The following OR51G2 variants were observed in gnomAD, a reference collection of about 807,000 sequenced individuals.
OR51G2 encodes olfactory receptor 51G2.
A neutral mutation model predicts 11.8 loss-of-function variants in OR51G2; 13 were observed. The observed-to-expected ratio is 1.10, with a 90% CI of 0.72 to 1.76. The LOEUF (loss-of-function observed/expected upper bound fraction) is 1.76, where lower values mean the gene tolerates loss of function less well. OR51G2 is among the 40% of genes most tolerant of loss of function. OR51G2 has a pLI of 0.00. For missense variants in OR51G2, 474 were observed against 394.4 expected, an observed-to-expected ratio of 1.20 and a Z score of -1.71; for synonymous variants, 178 against 151.9, an observed-to-expected ratio of 1.17 and a Z score of -1.26.
chr11:4,915,777 A>C, intron 1 of OR51G2, 38 bp from the exon 2 acceptor site: 1 of 644,508 alleles, frequency 1.6e-6, no homozygotes, highest in Non-Finnish European at 2.7e-6. Context: ...AATCAAATAT[A>C]CCTAGAACTG....
At position 4,914,893 on chromosome 11, in the gene OR51G2, G is replaced by A. The variant is rs752690391; in HGVS notation, c.771C>T (p.Tyr257=). The change falls in exon 2 of 2, where the codon TAC becomes TAT. Residue 257 remains tyrosine (Y), a synonymous_variant. Transcript: ENST00000641926. ...TGACAGAGAGGCCAATCATGGGAGTGTAGAAGAGCAGCACAGCACAGATGT... is the reference window on the plus strand; with the variant it reads ...TGACAGAGAGGCCAATCATGGGAGTATAGAAGAGCAGCACAGCACAGATGT... The part of the protein sequence containing the change: ...VSHICAVLLF[Y]TPMIGLSVIH... 1.1e-5 allele frequency: 17 copies of A among 1,614,044 alleles called. No homozygotes were observed. The East Asian group carries it at 3.1e-4, about 30-fold the overall frequency.
chr11:4,916,519 G>T (rs548679947), intron 1 of OR51G2, among the ~76,000 whole-genome samples: 8 of 151,400 alleles, frequency 5.3e-5, no homozygotes, highest in Non-Finnish European at 7.4e-5. Flanking sequence ...TATAGTTTTA[G>T]TTTTTTTCTT....
intron 1 of OR51G2, among the ~76,000 whole-genome samples, chr11:4,916,911 G>A (rs1196188750): frequency 6.6e-6 from 1 of 152,190 alleles, no homozygotes; most frequent in Non-Finnish European, 1.5e-5. Flanking sequence ...ACTGAACACA[G>A]GGCAGTGATG....
At chr11:4,917,184 G>A (rs1199657590) in intron 1 of OR51G2, among the ~76,000 whole-genome samples, 1 of 152,014 alleles carries the variant, frequency 6.6e-6, no homozygotes, top group Non-Finnish European at 1.5e-5. Flanking sequence ...TTTTTATTTC[G>A]CTAACTAATA....
At chr11:4,915,960 T>C (rs1331297111) in intron 1 of OR51G2, among the ~76,000 whole-genome samples, 1 of 152,114 alleles carries the variant, frequency 6.6e-6, no homozygotes, top group Admixed American at 6.5e-5. Flanking sequence ...TTTTTGCTCT[T>C]TTCTGACTTC....
Position 4,914,587 on chromosome 11 carries a change from G to GACTGTA in OR51G2, c.*126_*131dup. On this transcript the variant is annotated 3_prime_UTR_variant, in exon 2 of 2. Coordinates refer to ENST00000641926, the MANE Select transcript of OR51G2 (RefSeq NM_001005238.2). ...CACAACAGAGTGAGGGTTCTGTAAG[G>GACTGTA]ACTGTAACTCATCCCTGTACATGTT... 3.0e-6 allele frequency: 2 copies of GACTGTA among 657,530 alleles called. No homozygotes were observed. The highest frequency in any genetic ancestry group is 4.0e-5 in the South Asian group (2 of 50,052). 40.7% of individuals were successfully genotyped at this position (657,530 alleles called of 1,614,324 possible).
Position 4,915,003 on chromosome 11 carries a change from A to C in OR51G2, c.661T>G (p.Phe221Val), listed in dbSNP as rs772696684. ...TVGIDSLLILFSYALILRTVL... is the reference protein window; with the variant it reads ...TVGIDSLLILVSYALILRTVL... Reference sequence around the variant, plus strand: ...GTGCGCAGGATCAGAGCATAAGAGAAGAGGATGAGCAGTGAGTCTATACCC... The same window carrying C: ...GTGCGCAGGATCAGAGCATAAGAGACGAGGATGAGCAGTGAGTCTATACCC... Residue 221 changes from phenylalanine to valine, a missense_variant, in exon 2 of 2, where the codon TTC becomes GTC. Phe to Val is a conservative substitution (Grantham distance 50). Transcript: ENST00000641926. The C allele has an allele frequency of 6.2e-7, 1 of 1,613,970 alleles. No homozygotes were observed. The highest frequency in any genetic ancestry group is 1.1e-5 in the South Asian group (1 of 91,076).
intron 1 of OR51G2, among the ~76,000 whole-genome samples, chr11:4,918,574 T>C (rs1314355071): frequency 2.0e-5 from 3 of 152,144 alleles, no homozygotes; most frequent in Non-Finnish European, 4.4e-5. Flanking sequence ...CTTAGTATGA[T>C]AATTATTCTG....
Position 4,914,987 on chromosome 11 carries a change from A to G in OR51G2, c.677T>C (p.Ile226Thr), listed in dbSNP as rs755790776. Residue 226 changes from isoleucine to threonine, a missense_variant, in exon 2 of 2, where the codon ATC becomes ACC. Transcript: ENST00000641926. ...SLLILFSYAL[I>T]LRTVLSIASR... ...GGCGATGGACAGCACGGTGCGCAGG[A>G]TCAGAGCATAAGAGAAGAGGATGAG... 1 of 1,614,136 alleles carries G rather than the reference A, an allele frequency of 6.2e-7. No individual in the cohort carries two copies. Among genetic ancestry groups the G allele is most frequent in the Admixed American group, 1.7e-5 (1 of 60,024 alleles).
chr11:4,913,586 A>G lies in OR51G2; in HGVS notation c.*1133T>C, dbSNP rs1381830593. Reference sequence around the variant, plus strand: ...CTTGGGGGTACAATAACAATACAACATATAAAAGGGCATAACAAACTATCC... The same window carrying G: ...CTTGGGGGTACAATAACAATACAACGTATAAAAGGGCATAACAAACTATCC... On this transcript the variant is annotated 3_prime_UTR_variant, in exon 2 of 2. Coordinates refer to ENST00000641926, the MANE Select transcript of OR51G2 (RefSeq NM_001005238.2). The G allele has an allele frequency of 1.3e-5, 2 of 152,208 alleles. No individual in the cohort carries two copies. The highest frequency in any genetic ancestry group is 2.9e-5 in the Non-Finnish European group (2 of 68,048). 9.4% of individuals were successfully genotyped at this position (152,208 alleles called of 1,614,324 possible).
At chr11:4,916,206 C>T (rs574805140) in intron 1 of OR51G2, among the ~76,000 whole-genome samples, 1 of 151,922 alleles carries the variant, frequency 6.6e-6, no homozygotes, top group Admixed American at 6.5e-5. Context: ...CCTCTGCTGG[C>T]ACTGTGGGTT....
chr11:4,917,657 C>T (rs1030596009), intron 1 of OR51G2, among the ~76,000 whole-genome samples: 5 of 152,154 alleles, frequency 3.3e-5, no homozygotes, highest in Admixed American at 1.3e-4. Context: ...TACCACATTA[C>T]ATATCAAAGT....
In OR51G2 at chr11:4,914,829, C is replaced by G; in HGVS notation, c.835G>C (p.Val279Leu). ...AGAAGATACATGAAACCCATGACCA[C>G]CTGGACCAGGTGGGGTGCCTGCTTT... ...FGKQAPHLVQ[V>L]VMGFMYLLFP... The change falls in exon 2 of 2, where the codon GTG becomes CTG. Residue 279 changes from valine to leucine, a missense_variant. Val to Leu is a conservative substitution (Grantham distance 32). Coordinates refer to ENST00000641926, the MANE Select transcript of OR51G2 (RefSeq NM_001005238.2). 1 of 1,614,010 alleles carries G rather than the reference C, an allele frequency of 6.2e-7. No individual in the cohort carries two copies. The highest frequency in any genetic ancestry group is 1.1e-5 in the South Asian group (1 of 91,058).
In OR51G2 at chr11:4,915,797, T is replaced by G. The variant is rs541363984; in HGVS notation, c.-76-58A>C. ...AATATACCTAGAACTGTGCAGCTCT[T>G]TCTAGTGGTTATGTCTTTCTGGTCC... On this transcript the variant is annotated intron_variant, in intron 1 of 1. Transcript: ENST00000641926. 8.0e-5 allele frequency: 46 copies of G among 578,532 alleles called. 2 individuals are homozygous for G. The South Asian group carries it at 1.2e-3, about 16-fold the overall frequency. 35.8% of individuals were successfully genotyped at this position (578,532 alleles called of 1,614,324 possible). A position where few individuals can be genotyped will look rare whatever the true frequency, so the allele number is the denominator to read the frequency against.
chr11:4,918,302 C>T (rs1046132345), intron 1 of OR51G2, among the ~76,000 whole-genome samples: 5 of 151,996 alleles, frequency 3.3e-5, no homozygotes, highest in Admixed American at 6.6e-5. Flanking sequence ...CAGCCTGAAA[C>T]GGGTGGAGGT....
In OR51G2 at chr11:4,913,558, T is replaced by C. The variant is rs1182556883; in HGVS notation, c.*1161A>G. ...CTCAAAATATAACTTTTATCTAGAA[T>C]GTCTTGGGGGTACAATAACAATACA... On this transcript the variant is annotated 3_prime_UTR_variant, in exon 2 of 2. Transcript: ENST00000641926. 6.6e-6 allele frequency: 1 copy of C among 152,204 alleles called. No individual in the cohort carries two copies. Among genetic ancestry groups the C allele is most frequent in the African/African-American group, 2.4e-5 (1 of 41,454 alleles). The allele number at this position is 152,204 out of a possible 1,614,324, so 9.4% of individuals were successfully genotyped here.
rs190401346 is a variant in OR51G2 at position 4,914,546 on chromosome 11, C to A, written c.*173G>T. On this transcript the variant is annotated 3_prime_UTR_variant, in exon 2 of 2. Coordinates refer to ENST00000641926, the MANE Select transcript of OR51G2 (RefSeq NM_001005238.2). ...TTTACCACATCATATTACATTTTAC[C>A]CCCCCCTGCCCTGGCCACAACAGAG... 3.1e-4 allele frequency: 146 copies of A among 478,598 alleles called. 1 individual carries two copies. The highest frequency in any genetic ancestry group is 2.1e-3 in the African/African-American group (86 of 41,208). 29.6% of individuals were successfully genotyped at this position (478,598 alleles called of 1,614,324 possible). A position where few individuals can be genotyped will look rare whatever the true frequency, so the allele number is the denominator to read the frequency against.
chr11:4,914,691 G>A lies in OR51G2; in HGVS notation c.*28C>T, dbSNP rs1851046119. On this transcript the variant is annotated 3_prime_UTR_variant, in exon 2 of 2. Coordinates refer to ENST00000641926, the MANE Select transcript of OR51G2 (RefSeq NM_001005238.2). ...ATAGGCAAACAAGGGCACGTTTCAG[G>A]AGACAGTGGCTCTAACACTAGACAC... 6.6e-7 allele frequency: 1 copy of A among 1,511,726 alleles called. No individual in the cohort carries two copies. The highest frequency in any genetic ancestry group is 1.2e-5 in the South Asian group (1 of 86,210). The allele number at this position is 1,511,726 out of a possible 1,614,324, so 93.6% of individuals were successfully genotyped here.
Position 4,915,724 on chromosome 11 carries a change from G to T in OR51G2, c.-61C>A. On this transcript the variant is annotated 5_prime_UTR_variant, in exon 2 of 2. The change creates a new upstream start codon in the 5' untranslated region. Transcript: ENST00000641926. Reference sequence around the variant, plus strand: ...CAAAATCCTGAAGTAAATTGAGGCAGTACTGGTGATTGCACCTGGTGGAAA... The same window carrying T: ...CAAAATCCTGAAGTAAATTGAGGCATTACTGGTGATTGCACCTGGTGGAAA... 8.6e-7 allele frequency: 1 copy of T among 1,156,182 alleles called. No homozygotes were observed. Among genetic ancestry groups the T allele is most frequent in the Non-Finnish European group, 1.2e-6 (1 of 802,768 alleles). 71.6% of individuals were successfully genotyped at this position (1,156,182 alleles called of 1,614,324 possible).
Sources: gnomAD v4.1 joint callset for allele counts (sites outside exome capture counted in the v4.1 genomes callset) on GRCh38, gnomAD v4.1.1 for gene constraint, MANE v1.5 for transcripts, NCBI Gene and HGNC (gene_info 2026-07-23, HGNC 2026-07-21) for gene names.